Variants in ZNF217 observed in about 807,000 individuals in gnomAD.
ZNF217 encodes the protein zinc finger protein 217.
In ZNF217, 12 loss-of-function variants were observed where a neutral mutation model predicts 73.3. The observed-to-expected ratio is 0.16, with a 90% CI of 0.10 to 0.27. ZNF217 has a LOEUF of 0.27. ZNF217 is among the 10% of genes least tolerant of loss of function. ZNF217 has a pLI of 1.00. For missense variants in ZNF217, 1,195 were observed against 1,327.8 expected (o/e 0.90, Z 1.55); for synonymous variants, 588 against 516.4 (o/e 1.14, Z -1.88).
At chr20:53,594,995 C>G (rs747105966), upstream of ZNF217, among the ~76,000 whole-genome samples, 11 of 125,486 alleles carry the variant, frequency 8.8e-5, no homozygotes, top group Non-Finnish European at 1.4e-4. Flanking sequence ...CAAGAATCTA[C>G]TTGGTTTTGA....
At chr20:53,571,622 G>C in intron 5 of ZNF217, 99 bp downstream of exon 5, 1 of 1,396,918 alleles carries the variant, frequency 7.2e-7, no homozygotes, top group Non-Finnish European at 9.4e-7. Context: ...GGCCAAGCTG[G>C]TCTCAAATGC....
upstream of ZNF217, among the ~76,000 whole-genome samples, chr20:53,596,445 T>A (rs1989043768): frequency 2.0e-5 from 3 of 152,178 alleles, no homozygotes; most frequent in South Asian, 6.2e-4. Flanking sequence ...GACTGCTGGG[T>A]TGCAAATACA....
chr20:53,576,398 G>T lies in ZNF217; in HGVS notation c.2366C>A (p.Ser789Tyr), dbSNP rs1217385037. The stretch of plus-strand genomic sequence containing the variant: ...AGGAGGGCTCTGCTTCCCCTTCGCA[G>T]ATGGCAGGGATTTGGACTGCGCCGG... ...AFPAQSKSLP[S>Y]AKGKQSPPGP... The change falls in exon 4 of 6, where the codon TCT (serine) becomes TAT (tyrosine). Residue 789 changes from serine to tyrosine, a missense_variant. Transcript: ENST00000371471. 15 of 1,614,134 alleles carry T rather than the reference G, an allele frequency of 9.3e-6. No homozygotes were observed. Among genetic ancestry groups the T allele is most frequent in the Non-Finnish European group, 1.2e-5 (14 of 1,180,052 alleles).
chr20:53,589,062 G>C (rs1419160806), intron 1 of ZNF217, among the ~76,000 whole-genome samples: 1 of 152,162 alleles, frequency 6.6e-6, no homozygotes, highest in African/African-American at 2.4e-5. Flanking sequence ...GAAATGTCTA[G>C]AGTCTACATT....
chr20:53,576,656 C>G lies in ZNF217; in HGVS notation c.2108G>C (p.Ser703Thr). The G allele has an allele frequency of 6.2e-7, 1 of 1,614,186 alleles. No individual in the cohort carries two copies. Among genetic ancestry groups the G allele is most frequent in the Non-Finnish European group, 8.5e-7 (1 of 1,180,036 alleles). Residue 703 changes from serine to threonine, a missense_variant, in exon 4 of 6, where the codon AGT (serine) becomes ACT (threonine). Transcript: ENST00000371471. ...GGTGATACTTGGAATCAAACTTTTA[C>G]TCAAAGAAATTGCCGGGCAATTGTG... ...ALHNCPAISLSKSLIPSITCP... is the reference protein window; with the variant it reads ...ALHNCPAISLTKSLIPSITCP...
chr20:53,597,569 A>G (rs1402079392), upstream of ZNF217: 2 of 150,764 alleles, frequency 1.3e-5, no homozygotes, highest in Non-Finnish European at 2.9e-5. Context: ...AAAGTATCAC[A>G]ATAATATACT....
At chr20:53,583,399 T>A (rs1287248413) in intron 1 of ZNF217, among the ~76,000 whole-genome samples, 3 of 152,350 alleles carry the variant, frequency 2.0e-5, no homozygotes, top group Middle Eastern at 3.4e-3. Flanking sequence ...AAATCCAGTT[T>A]AAATCAGTGC....
intron 1 of ZNF217, among the ~76,000 whole-genome samples, chr20:53,590,413 A>T (rs1199640786): frequency 6.6e-6 from 1 of 152,232 alleles, no homozygotes; most frequent in Non-Finnish European, 1.5e-5. Flanking sequence ...GGACAATTTG[A>T]ATTTTTTTTT....
chr20:53,579,603 T>C (rs1322129337), intron 2 of ZNF217, among the ~76,000 whole-genome samples: 1 of 152,214 alleles, frequency 6.6e-6, no homozygotes, highest in African/African-American at 2.4e-5. Flanking sequence ...TTATGGTATG[T>C]TGCGTCATAT....
rs1464263668 is a variant in ZNF217, at chr20:53,581,393, G to A, written c.1366+68C>T. The A allele has an allele frequency of 6.6e-7, 1 of 1,523,806 alleles. No individual in the cohort carries two copies. Among genetic ancestry groups the A allele is most frequent in the African/African-American group, 1.4e-5 (1 of 71,142 alleles). 94.4% of individuals were successfully genotyped at this position (1,523,806 alleles called of 1,614,324 possible). A position where few individuals can be genotyped will look rare whatever the true frequency, so the allele number is the denominator to read the frequency against. ...CCAGCGTTGTCTGGAGATGGGAATA[G>A]AGAGGGGGAGACGGGGAGACAGACA... On this transcript the variant is annotated intron_variant, in intron 2 of 5. Coordinates refer to ENST00000371471, the MANE Select transcript of ZNF217 (RefSeq NM_006526.3). The surrounding 1 kb of genome is among the most constrained non-coding windows in gnomAD (Gnocchi z 4.9).
chr20:53,585,737 G>A (rs1253151367), intron 1 of ZNF217, among the ~76,000 whole-genome samples: 1 of 152,164 alleles, frequency 6.6e-6, no homozygotes, highest in Non-Finnish European at 1.5e-5. Context: ...GACAATGAAG[G>A]AGGTTCAGTG....
rs539709624 is a variant in ZNF217 at position 53,581,407 on chromosome 20, G to A, written c.1366+54C>T. ...AGATGGGAATAGAGAGGGGGAGACGGGGAGACAGACAGACACAGGCGGAAC... is the reference window on the plus strand; with the variant it reads ...AGATGGGAATAGAGAGGGGGAGACGAGGAGACAGACAGACACAGGCGGAAC... On this transcript the variant is annotated intron_variant, in intron 2 of 5. Transcript: ENST00000371471. This position sits in a 1 kb window ranked among gnomAD's most constrained non-coding sequence, Gnocchi z 4.9. 15 of 1,532,584 alleles carry A rather than the reference G, an allele frequency of 9.8e-6. No individual in the cohort carries two copies. The East Asian group carries it at 3.2e-4, about 32-fold the overall frequency. The allele number at this position is 1,532,584 out of a possible 1,614,324, so 94.9% of individuals were successfully genotyped here. A position where few individuals can be genotyped will look rare whatever the true frequency, so the allele number is the denominator to read the frequency against.
At chr20:53,590,332 G>A (rs888882723) in intron 1 of ZNF217, among the ~76,000 whole-genome samples, 3 of 149,718 alleles carry the variant, frequency 2.0e-5, no homozygotes, top group African/African-American at 7.6e-5. Context: ...AGGAAGGAAC[G>A]ATTTAAAACA....
intron 2 of ZNF217, among the ~76,000 whole-genome samples, chr20:53,579,930 G>C (rs1303430140): frequency 2.0e-5 from 3 of 152,204 alleles, no homozygotes; most frequent in African/African-American, 7.2e-5. Context: ...ATTCTGTCCT[G>C]CCTGATGATC....
At chr20:53,597,479 G>A (rs994068810), upstream of ZNF217, among the ~76,000 whole-genome samples, 1 of 152,060 alleles carries the variant, frequency 6.6e-6, no homozygotes, top group Non-Finnish European at 1.5e-5. Flanking sequence ...CAAGTAAGTA[G>A]GAATAACAAA....
At chr20:53,590,227 A>T (rs1359381939) in intron 1 of ZNF217, among the ~76,000 whole-genome samples, 1 of 152,198 alleles carries the variant, frequency 6.6e-6, no homozygotes, top group Non-Finnish European at 1.5e-5. Flanking sequence ...TCTAATTCTA[A>T]GGCTTGAAAA....
chr20:53,583,536 A>G (rs965890091), intron 1 of ZNF217, among the ~76,000 whole-genome samples: 15 of 152,246 alleles, frequency 9.9e-5, no homozygotes, highest in African/African-American at 3.6e-4. Flanking sequence ...TCTAAAGACT[A>G]TAAGAACTGT....
intron 1 of ZNF217, among the ~76,000 whole-genome samples, chr20:53,585,472 G>A (rs1988663390): frequency 6.6e-6 from 1 of 152,168 alleles, no homozygotes; most frequent in Non-Finnish European, 1.5e-5. Flanking sequence ...TTGAACCCAG[G>A]AGGTGGAGGT....
chr20:53,575,503 A>G, intron 4 of ZNF217: 3 of 458,448 alleles, frequency 6.5e-6, no homozygotes, highest in Non-Finnish European at 1.1e-5. Context: ...ACAAATCAAA[A>G]GAATAAAATA....
Sources: allele counts gnomAD v4.1 joint callset (sites outside exome capture counted in the v4.1 genomes callset), GRCh38; gene constraint gnomAD v4.1.1; non-coding constraint Gnocchi (gnomAD v3.1); transcripts MANE v1.5; gene names NCBI Gene and HGNC (gene_info 2026-07-23, HGNC 2026-07-21).